PTPRA: variants seen among roughly 807,000 people sequenced by gnomAD.
PTPRA encodes the protein receptor-type tyrosine-protein phosphatase alpha.
In PTPRA, 25 loss-of-function variants were observed where a neutral mutation model predicts 104.8. That is an observed-to-expected ratio of 0.24 (90% confidence interval 0.17 to 0.33). The LOEUF (loss-of-function observed/expected upper bound fraction) is 0.33, where lower values mean the gene tolerates loss of function less well. Ranked by LOEUF, PTPRA falls within the 10% of genes least tolerant of loss-of-function variation. PTPRA has a pLI of 1.00. For missense variants in PTPRA, 765 were observed against 1,015.3 expected, an observed-to-expected ratio of 0.75 and a Z score of 3.35; for synonymous variants, 323 against 368.9, an observed-to-expected ratio of 0.88 and a Z score of 1.43.
Position 2,964,851 on chromosome 20 carries a change from G to A in PTPRA, c.74-10G>A, listed in dbSNP as rs754087826. On this transcript the variant is annotated splice_polypyrimidine_tract_variant and intron_variant, in intron 4 of 23. Transcript: ENST00000399903. ...TCATGTGCTATTTCCTTGTTTTTTG[G>A]TGTTTGTAGTTGCACCTTCTGTAGG... The A allele has an allele frequency of 2.5e-6, 4 of 1,596,874 alleles. No homozygotes were observed. Among genetic ancestry groups the A allele is most frequent in the South Asian group, 2.2e-5 (2 of 90,240 alleles).
At chr20:2,923,350 G>A in intron 2 of PTPRA, 65 bp downstream of exon 2, 1 of 1,130,658 alleles carries the variant, frequency 8.8e-7, no homozygotes, top group Non-Finnish European at 1.2e-6. Context: ...CTTAAATAAA[G>A]CTAACATCAC....
Position 2,975,195 on chromosome 20 carries a change from A to G in PTPRA, c.416-20A>G, listed in dbSNP as rs749387875. On this transcript the variant is annotated intron_variant, in intron 5 of 23. Transcript: ENST00000399903. The stretch of plus-strand genomic sequence containing the variant: ...TTCTTTAACCTGAATGAATGTTTCT[A>G]TTTTTTACTTATTACACAGGTAATT... 8 of 1,573,206 alleles carry G rather than the reference A, an allele frequency of 5.1e-6. No homozygotes were observed. The highest frequency in any genetic ancestry group is 1.1e-5 in the South Asian group (1 of 88,824).
At chr20:2,998,300 T>G (rs1230499401) in intron 9 of PTPRA, among the ~76,000 whole-genome samples, 2 of 151,798 alleles carry the variant, frequency 1.3e-5, no homozygotes, top group Non-Finnish European at 2.9e-5. Context: ...GTGACCTTCC[T>G]CAGGACCTCA....
intron 7 of PTPRA, chr20:2,987,809 C>T (rs773352875): frequency 1.2e-5 from 8 of 642,084 alleles, no homozygotes; most frequent in Admixed American, 2.1e-5. Context: ...GTTGGGGTTC[C>T]CTGGTTGGAT....
At chr20:2,877,336 C>T (rs1282372356) in intron 1 of PTPRA, among the ~76,000 whole-genome samples, 2 of 152,156 alleles carry the variant, frequency 1.3e-5, no homozygotes, top group South Asian at 2.1e-4. Context: ...TCTTGGCTCA[C>T]GCAACTTTTG....
chr20:3,024,492 C>T lies in PTPRA; in HGVS notation c.1485C>T (p.Tyr495=). ...VQTDMQYVFI[Y]QALLEHYLYG... is the part of the protein sequence containing the mutation. ...TTCAGATGCAGTATGTCTTCATATA[C>T]CAAGCCCTTCTGGAGCATTATCTCT... The change falls in exon 17 of 24, where the codon TAC becomes TAT. Residue 495 remains tyrosine (Y), a synonymous_variant. Transcript: ENST00000399903. 6.2e-7 allele frequency: 1 copy of T among 1,613,662 alleles called. No individual in the cohort carries two copies. Among genetic ancestry groups the T allele is most frequent in the Non-Finnish European group, 8.5e-7 (1 of 1,179,636 alleles).
rs200220808 is a variant in PTPRA, at chr20:3,037,087, C to T, written c.2199-67C>T. On this transcript the variant is annotated intron_variant, in intron 22 of 23. Coordinates refer to ENST00000399903, the MANE Select transcript of PTPRA (RefSeq NM_001385305.1). This position sits in a 1 kb window ranked among gnomAD's most constrained non-coding sequence, Gnocchi z 4.3. ...TGCCCCCACCTCTTCTGCCACTCAC[C>T]ACTGTCACTCACCCCCTTGCACAGA... The T allele has an allele frequency of 1.3e-6, 2 of 1,575,850 alleles. No homozygotes were observed. Among genetic ancestry groups the T allele is most frequent in the East Asian group, 2.3e-5 (1 of 44,308 alleles).
At chr20:2,942,820 T>G (rs1013850372) in intron 2 of PTPRA, among the ~76,000 whole-genome samples, 1 of 151,814 alleles carries the variant, frequency 6.6e-6, no homozygotes, top group African/African-American at 2.4e-5. Flanking sequence ...AGTAGTACCT[T>G]CTTATCTGGG....
intron 6 of PTPRA, among the ~76,000 whole-genome samples, chr20:2,976,959 G>C (rs534503692): frequency 3.3e-4 from 50 of 152,262 alleles, no homozygotes; most frequent in Middle Eastern, 6.8e-3. Context: ...CAGGAAACTG[G>C]TTATTTTCTC....
At chr20:2,978,609 G>T (rs923616619) in intron 6 of PTPRA, among the ~76,000 whole-genome samples, 3 of 152,124 alleles carry the variant, frequency 2.0e-5, no homozygotes, top group South Asian at 2.1e-4. Flanking sequence ...TAGCAAGTAG[G>T]TATCTGTTGT....
At chr20:2,924,766 C>T (rs1600120008) in intron 2 of PTPRA, among the ~76,000 whole-genome samples, 1 of 152,062 alleles carries the variant, frequency 6.6e-6, no homozygotes, top group Admixed American at 6.6e-5. Flanking sequence ...CTGCAACCTC[C>T]GCTTCCTGGG....
chr20:3,016,391 T>A (rs1234167500), intron 12 of PTPRA, among the ~76,000 whole-genome samples: 1 of 152,260 alleles, frequency 6.6e-6, no homozygotes, highest in Non-Finnish European at 1.5e-5. Flanking sequence ...CCAGGCCTGC[T>A]GTTCTAACAA....
At position 2,964,332 on chromosome 20, in the gene PTPRA, G is replaced by A. The variant is rs779350157; in HGVS notation, c.55G>A (p.Ala19Thr). The change falls in exon 4 of 24, where the codon GCC becomes ACC. Residue 19 changes from alanine to threonine, a missense_variant. Physicochemically the swap from Ala to Thr is moderately conservative, Grantham distance 58. This residue lies in a region of PTPRA where 256 missense variants were observed against 248.9 expected (regional missense o/e 1.03). Transcript: ENST00000399903. ...LLGSGLICVS[A>T]NNATTVAPSV... ...CGGCAGTGGTCTGATATGTGTCAGT[G>A]CCAACAATGCTACCACAGGTAAATT... 2 of 1,602,600 alleles carry A rather than the reference G, an allele frequency of 1.2e-6. No homozygotes were observed. The highest frequency in any genetic ancestry group is 3.5e-5 in the Admixed American group (2 of 56,972).
intron 7 of PTPRA, among the ~76,000 whole-genome samples, chr20:2,987,518 C>T (rs1432643292): frequency 2.0e-5 from 3 of 152,122 alleles, no homozygotes; most frequent in African/African-American, 7.2e-5. Flanking sequence ...ATGTTCTGTG[C>T]TCCCTCTGTT....
At chr20:2,968,399 T>C (rs896260211) in intron 5 of PTPRA, among the ~76,000 whole-genome samples, 1 of 152,146 alleles carries the variant, frequency 6.6e-6, no homozygotes, top group African/African-American at 2.4e-5. Context: ...TGGGTCTTTT[T>C]CGTTCATTAT....
rs540766449 is a variant in PTPRA at position 3,031,736 on chromosome 20, C to A, written c.1921-3849C>A. 5.3e-5 allele frequency among the ~76,000 whole-genome samples: 8 copies of A among 150,350 alleles called. No homozygotes were observed. In the South Asian group the frequency reaches 1.7e-3, roughly 32 times the overall value. On this transcript the variant is annotated intron_variant, in intron 20 of 23. Transcript: ENST00000399903. ...ATTGATGCCTCCACTTTCTCAACAT[C>A]AGTCACACCGAACATGTCCTCACCT... is the stretch of plus-strand genomic sequence containing the variant.
intron 1 of PTPRA, among the ~76,000 whole-genome samples, chr20:2,884,856 C>T (rs1352693338): frequency 6.7e-6 from 1 of 148,560 alleles, no homozygotes; most frequent in East Asian, 2.0e-4. Context: ...GTCGCCCAGG[C>T]TGGAGTGCAG....
intron 1 of PTPRA, among the ~76,000 whole-genome samples, chr20:2,897,698 T>C (rs1372375271): frequency 6.6e-6 from 1 of 152,116 alleles, no homozygotes; most frequent in African/African-American, 2.4e-5. Context: ...AATCACTTGC[T>C]ATTTCACTCT....
chr20:2,868,906 T>C (rs1379780203), upstream of PTPRA, among the ~76,000 whole-genome samples: 1 of 152,136 alleles, frequency 6.6e-6, no homozygotes, highest in Non-Finnish European at 1.5e-5. Context: ...TTTAGAAATA[T>C]GTGAGAAATA....
Sources: allele counts gnomAD v4.1 joint callset (sites outside exome capture counted in the v4.1 genomes callset), GRCh38; gene constraint gnomAD v4.1.1; regional missense constraint gnomAD v4.1.1; non-coding constraint Gnocchi (gnomAD v3.1); transcripts MANE v1.5; gene names NCBI Gene and HGNC (gene_info 2026-07-23, HGNC 2026-07-21).